The following DELE1 variants were observed in gnomAD, a reference collection of about 807,000 sequenced individuals.
DELE1 encodes the protein death ligand signal enhancer.
In DELE1, 54 loss-of-function variants were observed where a neutral mutation model predicts 59.3. The observed-to-expected ratio is 0.91, with a 90% CI of 0.73 to 1.14. The LOEUF (loss-of-function observed/expected upper bound fraction) is 1.14, where lower values mean the gene tolerates loss of function less well. DELE1 is among the 50% of genes most tolerant of loss of function. The pLI is 0.00. For synonymous variants in DELE1, 264 were observed against 259.1 expected, an observed-to-expected ratio of 1.02 and a Z score of -0.18; for missense variants, 636 against 643.9, an observed-to-expected ratio of 0.99 and a Z score of 0.13.
Position 141,937,068 on chromosome 5 carries a change from G to A in DELE1, c.1150-130G>A, listed in dbSNP as rs73792061. On this transcript the variant is annotated intron_variant, in intron 10 of 11. Transcript: ENST00000432126. ...GTTGAGATCCCTTGCTATGGGGCGG[G>A]CCAGGACTGGGCCTTGACCGTGTGT... 4,078 of 1,533,658 alleles carry A rather than the reference G, an allele frequency of 2.7e-3. 83 individuals carry two copies. The African/African-American group carries it at 0.048, about 18-fold the overall frequency.
chr5:141,924,058 G>A, intron 1 of DELE1, 86 bp downstream of exon 1: 1 of 1,530,422 alleles, frequency 6.5e-7, no homozygotes, highest in Admixed American at 1.9e-5. Context: ...CAGCCGAAGC[G>A]ATCGTGGGCC....
intron 10 of DELE1, 134 bp from the exon 11 acceptor site, chr5:141,937,064 G>A: frequency 6.6e-7 from 1 of 1,517,646 alleles, no homozygotes; most frequent in Non-Finnish European, 8.8e-7. Context: ...TTGCTATGGG[G>A]CGGGCCAGGA....
chr5:141,931,468 G>A (rs749153607), intron 7 of DELE1, among the ~76,000 whole-genome samples: 2 of 152,170 alleles, frequency 1.3e-5, no homozygotes, highest in Non-Finnish European at 2.9e-5. Flanking sequence ...ATGATCTGAT[G>A]TACTTTTCCA....
chr5:141,925,826 C>T (rs912478493), intron 3 of DELE1, among the ~76,000 whole-genome samples: 3 of 151,626 alleles, frequency 2.0e-5, no homozygotes, highest in Admixed American at 1.3e-4. Flanking sequence ...ATGGATCTTA[C>T]AATAAATAAT....
At chr5:141,925,565 A>G (rs1391974191) in intron 3 of DELE1, 38 bp downstream of exon 3, 12 of 1,356,652 alleles carry the variant, frequency 8.8e-6, no homozygotes, top group African/African-American at 1.5e-5. Context: ...CCTTCAGTGT[A>G]GATGAGAATG....
chr5:141,940,747 C>A lies in DELE1; in HGVS notation c.*1988C>A. On this transcript the variant is annotated 3_prime_UTR_variant, in exon 12 of 12. Coordinates refer to ENST00000432126, the MANE Select transcript of DELE1 (RefSeq NM_014773.5). ...AGATGGCACTCCTTGGGAGCAGGGT[C>A]CTTGTCTTTGTATTCCAGTGTCCCC... 1 of 977,302 alleles carries A rather than the reference C, an allele frequency of 1.0e-6. No homozygotes were observed. Among genetic ancestry groups the A allele is most frequent in the Non-Finnish European group, 1.2e-6 (1 of 822,530 alleles). 60.5% of individuals were successfully genotyped at this position (977,302 alleles called of 1,614,324 possible).
chr5:141,929,991 C>T lies in DELE1; in HGVS notation c.574C>T (p.Pro192Ser), dbSNP rs138477141. ...GGGTGTCGGCCTTTCCCTTGCAGGT[C>T]CCGGTGATTTTGGCTTCCTGCATGC... The part of the protein sequence containing the change: ...ARPQDPSEEG[P>S]GDFGFLHASS... Residue 192 changes from proline (P) to serine (S), a missense_variant and splice_region_variant, in exon 6 of 12, where the codon CCC (proline) becomes TCC (serine). Physicochemically the swap from Pro to Ser is moderately conservative, Grantham distance 74. Coordinates refer to ENST00000432126, the MANE Select transcript of DELE1 (RefSeq NM_014773.5). 3.6e-5 allele frequency: 58 copies of T among 1,613,872 alleles called. No homozygotes were observed. Among genetic ancestry groups the T allele is most frequent in the Non-Finnish European group, 4.9e-5 (58 of 1,179,972 alleles).
intron 7 of DELE1, among the ~76,000 whole-genome samples, chr5:141,930,523 C>T (rs1490017269): frequency 6.6e-6 from 1 of 152,210 alleles, no homozygotes; most frequent in East Asian, 1.9e-4. Context: ...GTATTCTAGC[C>T]AGCTGGTCGG....
Position 141,940,262 on chromosome 5 carries a change from T to A in DELE1, c.*1503T>A. 2 of 985,348 alleles carry A rather than the reference T, an allele frequency of 2.0e-6. No homozygotes were observed. The highest frequency in any genetic ancestry group is 2.4e-6 in the Non-Finnish European group (2 of 829,924). The allele number at this position is 985,348 out of a possible 1,614,324, so 61.0% of individuals were successfully genotyped here. On this transcript the variant is annotated 3_prime_UTR_variant, in exon 12 of 12. Coordinates refer to ENST00000432126, the MANE Select transcript of DELE1 (RefSeq NM_014773.5). The stretch of plus-strand genomic sequence containing the variant: ...ACTCTCCACTAACCAATTTAAAGGA[T>A]CTTAAAAGCTTCTCCAGGAGAGAGA...
In DELE1 at chr5:141,941,812, A is replaced by C. The variant is rs1258490395; in HGVS notation, c.*3053A>C. ...TTCAGTAAATATACATTCAACAAATAAGTGAGTGATTATACTCAACTCCCC... is the reference window on the plus strand; with the variant it reads ...TTCAGTAAATATACATTCAACAAATCAGTGAGTGATTATACTCAACTCCCC... On this transcript the variant is annotated 3_prime_UTR_variant, in exon 12 of 12. Transcript: ENST00000432126. 1 of 985,312 alleles carries C rather than the reference A, an allele frequency of 1.0e-6. No homozygotes were observed. Among genetic ancestry groups the C allele is most frequent in the African/African-American group, 1.7e-5 (1 of 57,236 alleles). 61.0% of individuals were successfully genotyped at this position (985,312 alleles called of 1,614,324 possible).
chr5:141,934,855 C>T, intron 10 of DELE1: 1 of 495,114 alleles, frequency 2.0e-6, no homozygotes, highest in Non-Finnish European at 3.6e-6. Flanking sequence ...TGCTAAATGC[C>T]ATAAAACAGG....
Position 141,939,429 on chromosome 5 carries a change from C to G in DELE1, c.*670C>G. ...AGGAAACTCTGAATTAGGCCATCCTCGAGACTAGCCCACCATTCACCTCTG... is the reference window on the plus strand; with the variant it reads ...AGGAAACTCTGAATTAGGCCATCCTGGAGACTAGCCCACCATTCACCTCTG... On this transcript the variant is annotated 3_prime_UTR_variant, in exon 12 of 12. Coordinates refer to ENST00000432126, the MANE Select transcript of DELE1 (RefSeq NM_014773.5). The G allele has an allele frequency of 1.0e-6, 1 of 985,826 alleles. No individual in the cohort carries two copies. Among genetic ancestry groups the G allele is most frequent in the Non-Finnish European group, 1.2e-6 (1 of 829,922 alleles). The allele number at this position is 985,826 out of a possible 1,614,324, so 61.1% of individuals were successfully genotyped here.
At chr5:141,927,848 A>G (rs578108144) in intron 3 of DELE1, among the ~76,000 whole-genome samples, 2 of 152,336 alleles carry the variant, frequency 1.3e-5, no homozygotes, top group South Asian at 2.1e-4. Context: ...GGTCCCTACT[A>G]TATATTAGCA....
chr5:141,924,725 C>T (rs969020700), intron 2 of DELE1, 30 bp downstream of exon 2: 2 of 1,346,672 alleles, frequency 1.5e-6, no homozygotes, highest in African/African-American at 1.4e-5. Flanking sequence ...CCACTCATTT[C>T]CTCCCCTAGT....
intron 3 of DELE1, among the ~76,000 whole-genome samples, chr5:141,926,398 A>G (rs1751424954): frequency 6.6e-6 from 1 of 152,092 alleles, no homozygotes; most frequent in Admixed American, 6.5e-5. Flanking sequence ...TCAAATACAG[A>G]GCCTAGCCCG....
rs145284397 is a variant in DELE1 at position 141,924,589 on chromosome 5, C to T, written c.40C>T (p.Arg14Cys). Reference protein sequence around the residue: ...LPGLLGRALPRTLGPSLWRVT... With the variant: ...LPGLLGRALPCTLGPSLWRVT... ...TTGGTTGTTCTGTACAGCTCTTCCC[C>T]GTACACTGGGACCTAGCCTCTGGAG... Residue 14 changes from arginine (R) to cysteine (C), a missense_variant, in exon 2 of 12, where the codon CGT (arginine) becomes TGT (cysteine). Transcript: ENST00000432126. 35 of 1,606,240 alleles carry T rather than the reference C, an allele frequency of 2.2e-5. No individual in the cohort carries two copies. The highest frequency in any genetic ancestry group is 1.6e-4 in the East Asian group (7 of 44,820).
In DELE1 at chr5:141,941,255, G is replaced by A. The variant is rs1752722167; in HGVS notation, c.*2496G>A. ...GAAGGCCAGATGCAGCCCTCCCTGA[G>A]TGGCTCTCCCTCCCACTCAGTCACT... On this transcript the variant is annotated 3_prime_UTR_variant, in exon 12 of 12. Coordinates refer to ENST00000432126, the MANE Select transcript of DELE1 (RefSeq NM_014773.5). 2.0e-6 allele frequency: 2 copies of A among 985,512 alleles called. No homozygotes were observed. Among genetic ancestry groups the A allele is most frequent in the Non-Finnish European group, 2.4e-6 (2 of 829,970 alleles). 61.0% of individuals were successfully genotyped at this position (985,512 alleles called of 1,614,324 possible). A position where few individuals can be genotyped will look rare whatever the true frequency, so the allele number is the denominator to read the frequency against.
At position 141,930,720 on chromosome 5, in the gene DELE1, G is replaced by C. The variant is rs1288122663; in HGVS notation, c.754+446G>C. 1.3e-5 allele frequency among the ~76,000 whole-genome samples: 2 copies of C among 152,320 alleles called. 1 individual carries two copies. Among genetic ancestry groups the C allele is most frequent in the South Asian group, 4.1e-4 (2 of 4,828 alleles). On this transcript the variant is annotated intron_variant, in intron 7 of 11. Coordinates refer to ENST00000432126, the MANE Select transcript of DELE1 (RefSeq NM_014773.5). The stretch of plus-strand genomic sequence containing the variant: ...CACACTTAGGAAAGAACAGGCTCCT[G>C]GGGTTTGGAGCAGATCCTCGATGTG...
chr5:141,940,845 G>A lies in DELE1; in HGVS notation c.*2086G>A. 5 of 985,474 alleles carry A rather than the reference G, an allele frequency of 5.1e-6. No homozygotes were observed. Among genetic ancestry groups the A allele is most frequent in the Non-Finnish European group, 6.0e-6 (5 of 829,954 alleles). 61.0% of individuals were successfully genotyped at this position (985,474 alleles called of 1,614,324 possible). A position where few individuals can be genotyped will look rare whatever the true frequency, so the allele number is the denominator to read the frequency against. Reference sequence around the variant, plus strand: ...AGCTCAGGGTTTTAAGCTGTGCAGTGCACTAAGCTCTCTGCCAAAAAACAA... The same window carrying A: ...AGCTCAGGGTTTTAAGCTGTGCAGTACACTAAGCTCTCTGCCAAAAAACAA... On this transcript the variant is annotated 3_prime_UTR_variant, in exon 12 of 12. Coordinates refer to ENST00000432126, the MANE Select transcript of DELE1 (RefSeq NM_014773.5).
Sources: allele counts gnomAD v4.1 joint callset (sites outside exome capture counted in the v4.1 genomes callset), GRCh38; gene constraint gnomAD v4.1.1; transcripts MANE v1.5; gene names NCBI Gene and HGNC (gene_info 2026-07-23, HGNC 2026-07-21).